Variants in SNX24 observed in about 807,000 individuals in gnomAD.
The protein encoded by SNX24 is sorting nexin 24.
A neutral mutation model predicts 28.7 loss-of-function variants in SNX24; 22 were observed. The observed-to-expected ratio is 0.77, with a 90% CI of 0.55 to 1.10. SNX24 has a LOEUF of 1.10. Among genes scored for constraint, SNX24 ranks in the 50% least tolerant of loss-of-function variants. SNX24 has a pLI of 0.00. For missense variants in SNX24, 221 were observed against 201.1 expected, an observed-to-expected ratio of 1.10 and a Z score of -0.60; for synonymous variants, 69 against 71.5, an observed-to-expected ratio of 0.96 and a Z score of 0.18.
At chr5:123,012,173 T>C (rs1472252069), downstream of SNX24, among the ~76,000 whole-genome samples, 1 of 152,206 alleles carries the variant, frequency 6.6e-6, no homozygotes, top group Admixed American at 6.5e-5. Context: ...CATGTGGAAC[T>C]GTAAGTCAAT....
chr5:122,934,118 G>A (rs1009344204), intron 1 of SNX24, among the ~76,000 whole-genome samples: 2 of 151,950 alleles, frequency 1.3e-5, no homozygotes, highest in African/African-American at 4.8e-5. Flanking sequence ...TTCCTGGCTC[G>A]CAGGCCCTCA....
chr5:122,935,037 G>A (rs922834231), intron 1 of SNX24, among the ~76,000 whole-genome samples: 4 of 152,296 alleles, frequency 2.6e-5, no homozygotes, highest in South Asian at 4.1e-4. Flanking sequence ...GAGCCTTGCC[G>A]AGTTTTCAAC....
At chr5:122,890,618 C>T (rs905570959) in intron 1 of SNX24, among the ~76,000 whole-genome samples, 1 of 151,922 alleles carries the variant, frequency 6.6e-6, no homozygotes, top group Non-Finnish European at 1.5e-5. Context: ...TACAGGCGCC[C>T]GCCACCACAC....
chr5:122,849,339 C>T (rs887687084), intron 1 of SNX24, among the ~76,000 whole-genome samples: 4 of 152,066 alleles, frequency 2.6e-5, no homozygotes, highest in African/African-American at 9.7e-5. Flanking sequence ...TAGGGATTCT[C>T]AGCCCATATA....
intron 1 of SNX24, among the ~76,000 whole-genome samples, chr5:122,865,043 C>T (rs1302519927): frequency 6.6e-6 from 1 of 152,240 alleles, no homozygotes; most frequent in Admixed American, 6.5e-5. Context: ...CTTTCACTGT[C>T]TCAGCCATAC....
intron 1 of SNX24, among the ~76,000 whole-genome samples, chr5:122,894,006 C>G (rs1362408621): frequency 6.6e-6 from 1 of 151,708 alleles, no homozygotes; most frequent in African/African-American, 2.4e-5. Context: ...CCATTGCACT[C>G]CAGCCTGTGC....
intron 3 of SNX24, among the ~76,000 whole-genome samples, chr5:122,961,156 T>G (rs150543334): frequency 6.6e-6 from 1 of 152,298 alleles, no homozygotes; most frequent in Non-Finnish European, 1.5e-5. Context: ...CTGACAAGGT[T>G]AAGGCACTGA....
intron 1 of SNX24, among the ~76,000 whole-genome samples, chr5:122,882,070 C>G (rs539915350): frequency 6.6e-6 from 1 of 151,746 alleles, no homozygotes; most frequent in Non-Finnish European, 1.5e-5. Flanking sequence ...CTCACCTTGA[C>G]CTCTGGAGTA....
intron 5 of SNX24, among the ~76,000 whole-genome samples, chr5:123,015,076 T>A (rs1185815034): frequency 6.6e-6 from 1 of 152,226 alleles, no homozygotes; most frequent in Non-Finnish European, 1.5e-5. Flanking sequence ...GAAGTTATCC[T>A]GTTTATTTGT....
intron 1 of SNX24, among the ~76,000 whole-genome samples, chr5:122,909,198 G>C (rs959092248): frequency 6.6e-6 from 1 of 152,150 alleles, no homozygotes; most frequent in Non-Finnish European, 1.5e-5. Context: ...AAGGCATTCA[G>C]ATATGTTAGA....
chr5:123,001,491 T>G, intron 5 of SNX24, 54 bp downstream of exon 5: 2 of 1,233,566 alleles, frequency 1.6e-6, no homozygotes, highest in Non-Finnish European at 1.2e-6. Context: ...GCTAAATGTT[T>G]AATCACCTAC....
intron 1 of SNX24, among the ~76,000 whole-genome samples, chr5:122,846,635 G>A (rs1317151477): frequency 6.6e-6 from 1 of 152,146 alleles, no homozygotes; most frequent in Non-Finnish European, 1.5e-5. Context: ...CTGGTATTTG[G>A]TGACAGTCTG....
Position 123,008,215 on chromosome 5 carries a change from T to C in SNX24, c.*466T>C, listed in dbSNP as rs1762482113. 1.0e-6 allele frequency: 1 copy of C among 986,152 alleles called. No individual in the cohort carries two copies. Among genetic ancestry groups the C allele is most frequent in the Non-Finnish European group, 1.2e-6 (1 of 830,610 alleles). The allele number at this position is 986,152 out of a possible 1,614,324, so 61.1% of individuals were successfully genotyped here. On this transcript the variant is annotated 3_prime_UTR_variant, in exon 7 of 7. Coordinates refer to ENST00000261369, the MANE Select transcript of SNX24 (RefSeq NM_014035.4). ...CAGCCAGTGATAGTACATTCTGAAA[T>C]GCTGGCACCAGGAGACGGCCACAGA...
rs559596030 is a variant in SNX24, at chr5:122,857,033, C to T, written c.60+11340C>T. ...ATTTTTCTTTCTTTTTTTTTTGAGA[C>T]GGAGTTTCGCTCTTATTGCCCAGGC... On this transcript the variant is annotated intron_variant, in intron 1 of 6. Coordinates refer to ENST00000261369, the MANE Select transcript of SNX24 (RefSeq NM_014035.4). 1.1e-4 allele frequency among the ~76,000 whole-genome samples: 16 copies of T among 150,748 alleles called. No homozygotes were observed. The South Asian group carries it at 2.3e-3, about 22-fold the overall frequency.
chr5:122,874,978 G>A (rs868159475), intron 1 of SNX24, among the ~76,000 whole-genome samples: 5 of 152,160 alleles, frequency 3.3e-5, no homozygotes, highest in Non-Finnish European at 7.4e-5. Flanking sequence ...AATTAAAATT[G>A]TTATTTTGAA....
At chr5:122,907,308 TA>T (rs888097288) in intron 1 of SNX24, among the ~76,000 whole-genome samples, 11 of 152,154 alleles carry the variant, frequency 7.2e-5, no homozygotes, top group African/African-American at 1.7e-4. Flanking sequence ...AAAAGTCTAT[TA>T]AAAAAAATCA....
At chr5:122,968,744 A>G (rs1328339470) in intron 3 of SNX24, among the ~76,000 whole-genome samples, 2 of 152,198 alleles carry the variant, frequency 1.3e-5, no homozygotes, top group Admixed American at 6.5e-5. Context: ...CACAGTACTC[A>G]CAAATTAAAA....
intron 1 of SNX24, among the ~76,000 whole-genome samples, chr5:122,895,285 C>T (rs1206334539): frequency 6.6e-6 from 1 of 151,978 alleles, no homozygotes. Flanking sequence ...TTAGGTTTTC[C>T]ATGATTAACT....
intron 3 of SNX24, among the ~76,000 whole-genome samples, chr5:122,967,551 C>A (rs140682982): frequency 7.2e-5 from 11 of 152,236 alleles, no homozygotes; most frequent in African/African-American, 2.6e-4. Flanking sequence ...AGGAAACTTG[C>A]CATTCTGTTT....
Sources: allele counts gnomAD v4.1 joint callset (sites outside exome capture counted in the v4.1 genomes callset), GRCh38; gene constraint gnomAD v4.1.1; transcripts MANE v1.5; gene names NCBI Gene and HGNC (gene_info 2026-07-23, HGNC 2026-07-21).